BMP6: variants seen among roughly 807,000 people sequenced by gnomAD.
The protein encoded by BMP6 is VG-1-R.
Under a neutral mutation model 54.1 loss-of-function variants are expected in BMP6, and 17 were observed. The ratio of observed to expected loss-of-function variants is 0.31; its 90% CI spans 0.22 to 0.47. The LOEUF (loss-of-function observed/expected upper bound fraction) is 0.47, where lower values mean the gene tolerates loss of function less well. Among genes scored for constraint, BMP6 ranks in the 20% least tolerant of loss-of-function variants. BMP6 has a pLI of 1.00. For missense variants in BMP6, 720 were observed against 690.4 expected (o/e 1.04, Z -0.48); for synonymous variants, 328 against 291.2 (o/e 1.13, Z -1.28).
chr6:7,758,904 A>G lies in BMP6; in HGVS notation c.664+31285A>G, dbSNP rs78689070. Among the ~76,000 whole-genome samples the G allele has an allele frequency of 5.9e-3, 902 of 152,296 alleles. 13 individuals carry two copies. Among genetic ancestry groups the G allele is most frequent in the African/African-American group, 0.02 (844 of 41,564 alleles). ...TGGTTGGAGGGGAGTCGGTGCAGCC[A>G]TGGTAGAATAGAGGTCCTCGTGTAA... On this transcript the variant is annotated intron_variant, in intron 1 of 6. Coordinates refer to ENST00000283147, the MANE Select transcript of BMP6 (RefSeq NM_001718.6).
chr6:7,830,727 A>C (rs944203250), intron 1 of BMP6, among the ~76,000 whole-genome samples: 1 of 152,220 alleles, frequency 6.6e-6, no homozygotes, highest in Non-Finnish European at 1.5e-5. Flanking sequence ...GCAATCAAGA[A>C]AGAGCATGTG....
At chr6:7,848,740 A>C (rs1759102615) in intron 2 of BMP6, among the ~76,000 whole-genome samples, 1 of 152,234 alleles carries the variant, frequency 6.6e-6, no homozygotes, top group South Asian at 2.1e-4. Context: ...CTTGAGTAAC[A>C]CATGATGCCT....
chr6:7,762,579 T>G (rs998906790), intron 1 of BMP6, among the ~76,000 whole-genome samples: 1 of 152,188 alleles, frequency 6.6e-6, no homozygotes, highest in Non-Finnish European at 1.5e-5. Context: ...GCTAGCTGAG[T>G]AAAACGGCAC....
At chr6:7,858,796 G>C (rs538933723) in intron 2 of BMP6, among the ~76,000 whole-genome samples, 2 of 149,150 alleles carry the variant, frequency 1.3e-5, no homozygotes, top group African/African-American at 2.5e-5. Context: ...CAGAGGCCCC[G>C]AGCATCCTAG....
At chr6:7,758,920 C>T (rs1757566306) in intron 1 of BMP6, among the ~76,000 whole-genome samples, 1 of 152,158 alleles carries the variant, frequency 6.6e-6, no homozygotes, top group Non-Finnish European at 1.5e-5. Context: ...GAATAGAGGT[C>T]CTCGTGTAAG....
rs896399711 is a variant in BMP6 at position 7,727,042 on chromosome 6, G to C, written c.87G>C (p.Pro29=). The C allele has an allele frequency of 2.8e-5, 32 of 1,147,286 alleles. No homozygotes were observed. The highest frequency in any genetic ancestry group is 3.3e-5 in the African/African-American group (2 of 60,796). 71.1% of individuals were successfully genotyped at this position (1,147,286 alleles called of 1,614,324 possible). A position where few individuals can be genotyped will look rare whatever the true frequency, so the allele number is the denominator to read the frequency against. ...GCTGCGGGCCCCCGCCGCTGCGGCC[G>C]CCCTTGCCCGCTGCCGCGGCCGCCG... ...CSCCGPPPLR[P]PLPAAAAAAA... The change falls in exon 1 of 7, where the codon CCG becomes CCC. Residue 29 remains proline (P), a synonymous_variant. Coordinates refer to ENST00000283147, the MANE Select transcript of BMP6 (RefSeq NM_001718.6).
intron 1 of BMP6, among the ~76,000 whole-genome samples, chr6:7,746,949 G>A (rs1002226890): frequency 2.0e-5 from 3 of 152,216 alleles, no homozygotes; most frequent in Non-Finnish European, 4.4e-5. Flanking sequence ...GTTCCAGGTA[G>A]CGTGAGAGAG....
chr6:7,781,933 C>T (rs765249232), intron 1 of BMP6, among the ~76,000 whole-genome samples: 30 of 151,382 alleles, frequency 2.0e-4, no homozygotes, highest in Non-Finnish European at 3.0e-4. Context: ...AGTCATGAAA[C>T]GGTTTTAAGC....
intron 2 of BMP6, 95 bp from the exon 3 acceptor site, chr6:7,861,356 C>T: frequency 6.7e-7 from 1 of 1,490,952 alleles, no homozygotes; most frequent in East Asian, 2.3e-5. Flanking sequence ...TGTGATCTGA[C>T]TCGGGCATGT....
chr6:7,812,748 AAG>A (rs1402017033), intron 1 of BMP6, among the ~76,000 whole-genome samples: 15 of 152,108 alleles, frequency 9.9e-5, no homozygotes, highest in African/African-American at 3.6e-4. Context: ...GAAACTGAGA[AAG>A]AACTATAAGT....
At chr6:7,745,360 A>G (rs1757331012) in intron 1 of BMP6, among the ~76,000 whole-genome samples, 1 of 152,140 alleles carries the variant, frequency 6.6e-6, no homozygotes, top group Non-Finnish European at 1.5e-5. Flanking sequence ...GGCGGCCTCA[A>G]ACTCCTGGGC....
intron 1 of BMP6, among the ~76,000 whole-genome samples, chr6:7,800,921 C>A (rs901203657): frequency 6.8e-6 from 1 of 147,886 alleles, no homozygotes; most frequent in African/African-American, 2.6e-5. Flanking sequence ...GAGGGGGGGG[C>A]ACATGTCCTT....
At position 7,762,417 on chromosome 6, in the gene BMP6, T is replaced by C. The variant is rs1488682306; in HGVS notation, c.664+34798T>C. Among the ~76,000 whole-genome samples the C allele has an allele frequency of 4.8e-4, 73 of 152,242 alleles. 1 individual carries two copies. Among genetic ancestry groups the C allele is most frequent in the Admixed American group, 4.8e-3 (73 of 15,288 alleles). On this transcript the variant is annotated intron_variant, in intron 1 of 6. Coordinates refer to ENST00000283147, the MANE Select transcript of BMP6 (RefSeq NM_001718.6). ...TAATGATCTTGAAGGTTTGCTTTAATAGTCTTTCGCAGTAGTCCTGGGCAC... is the reference window on the plus strand; with the variant it reads ...TAATGATCTTGAAGGTTTGCTTTAACAGTCTTTCGCAGTAGTCCTGGGCAC...
At chr6:7,780,802 C>T (rs542542045) in intron 1 of BMP6, among the ~76,000 whole-genome samples, 4 of 152,078 alleles carry the variant, frequency 2.6e-5, no homozygotes, top group East Asian at 1.9e-4. Flanking sequence ...GTGTTGATCT[C>T]GGGGCTCAAG....
rs933713566 is a variant in BMP6, at chr6:7,726,595, G to T, written c.-361G>T. ...GCAGCGCACGTGTGCGGCCAGCGAG[G>T]CCCAGAGTGACCGCGCCGCGACTCG... On this transcript the variant is annotated 5_prime_UTR_variant, in exon 1 of 7. Coordinates refer to ENST00000283147, the MANE Select transcript of BMP6 (RefSeq NM_001718.6). Among the ~76,000 whole-genome samples, 1 of 152,130 alleles carries T rather than the reference G, an allele frequency of 6.6e-6. No homozygotes were observed. Among genetic ancestry groups the T allele is most frequent in the Non-Finnish European group, 1.5e-5 (1 of 68,002 alleles).
At chr6:7,815,682 T>C (rs189034304) in intron 1 of BMP6, among the ~76,000 whole-genome samples, 1 of 152,260 alleles carries the variant, frequency 6.6e-6, no homozygotes, top group East Asian at 1.9e-4. Context: ...ATACTAAAAT[T>C]TAAAAATACA....
At chr6:7,867,097 C>A (rs962089519) in intron 4 of BMP6, among the ~76,000 whole-genome samples, 1 of 152,142 alleles carries the variant, frequency 6.6e-6, no homozygotes, top group Non-Finnish European at 1.5e-5. Context: ...GTCTCAAACT[C>A]CTGACCTCAA....
chr6:7,821,860 G>T (rs1758615894), intron 1 of BMP6, among the ~76,000 whole-genome samples: 1 of 152,162 alleles, frequency 6.6e-6, no homozygotes, highest in Admixed American at 6.5e-5. Flanking sequence ...CACTGAAAAG[G>T]TCTATACAGA....
At chr6:7,861,225 T>C (rs1056573390) in intron 2 of BMP6, among the ~76,000 whole-genome samples, 4 of 152,096 alleles carry the variant, frequency 2.6e-5, no homozygotes, top group Non-Finnish European at 5.9e-5. Flanking sequence ...TGAAAGCTGA[T>C]TTCTATGAAG....
Sources: allele counts gnomAD v4.1 joint callset (sites outside exome capture counted in the v4.1 genomes callset), GRCh38; gene constraint gnomAD v4.1.1; transcripts MANE v1.5; gene names NCBI Gene and HGNC (gene_info 2026-07-23, HGNC 2026-07-21).